MX2: variants seen among roughly 807,000 people sequenced by gnomAD.
MX2 encodes MX dynamin like GTPase 2, also known as interferon-induced GTP-binding protein Mx2.
MX2 carries 51 observed loss-of-function variants against 74.0 expected under a neutral mutation model. The ratio of observed to expected loss-of-function variants is 0.69; its 90% CI spans 0.55 to 0.87. MX2 has a LOEUF of 0.87. Ranked by LOEUF, MX2 falls within the 40% of genes least tolerant of loss-of-function variation. The probability of loss-of-function intolerance (pLI) is 0.00; values close to 1 mark genes in which losing one functional copy is unlikely to be tolerated. For missense variants in MX2, 832 were observed against 908.7 expected (o/e 0.92, Z 1.09); for synonymous variants, 369 against 339.3 (o/e 1.09, Z -0.96).
At chr21:41,386,021 C>T (rs1479039499) in intron 5 of MX2, among the ~76,000 whole-genome samples, 2 of 151,780 alleles carry the variant, frequency 1.3e-5, no homozygotes, top group Non-Finnish European at 2.9e-5. Flanking sequence ...AAGATAAGGG[C>T]TGGGCACAGT....
rs748931483 is a variant in MX2, at chr21:41,395,553, AC to A, written c.872-32del. The A allele has an allele frequency of 4.0e-5, 64 of 1,607,344 alleles. 1 individual carries two copies. The East Asian group carries it at 1.4e-3, about 35-fold the overall frequency. On this transcript the variant is annotated intron_variant, in intron 6 of 13. Transcript: ENST00000330714. The stretch of plus-strand genomic sequence containing the variant: ...TCAAACCTGTTTGAGGGGATCACTG[AC>A]CTTTCCATTTCCCTTCTTTAACCAT...
chr21:41,386,103 C>T (rs1350161513), intron 5 of MX2, among the ~76,000 whole-genome samples: 3 of 151,386 alleles, frequency 2.0e-5, no homozygotes, highest in African/African-American at 7.3e-5. Context: ...GAGTTTGTGC[C>T]TGTAATCCCA....
intron 2 of MX2, 64 bp from the exon 3 acceptor site, chr21:41,377,725 A>G (rs1248851248): frequency 3.2e-5 from 48 of 1,515,554 alleles, no homozygotes; most frequent in Non-Finnish European, 4.1e-5. Flanking sequence ...TCTGCCACAC[A>G]TCTCCATGAC....
Position 41,395,664 on chromosome 21 carries a change from C to G in MX2, c.949C>G (p.Pro317Ala). 1 of 1,614,130 alleles carries G rather than the reference C, an allele frequency of 6.2e-7. No homozygotes were observed. The highest frequency in any genetic ancestry group is 8.5e-7 in the Non-Finnish European group (1 of 1,180,030). Residue 317 changes from proline to alanine, a missense_variant, in exon 7 of 14, where the codon CCC becomes GCC. Physicochemically the swap from Pro to Ala is conservative, Grantham distance 27. Coordinates refer to ENST00000330714, the MANE Select transcript of MX2 (RefSeq NM_002463.2). ...VMNVVRNLTY[P>A]LKKGYMIVKC... ...GAATGTGGTGCGGAACCTCACGTAC[C>G]CCCTCAAGAAGGGCTACATGATTGT... is the stretch of plus-strand genomic sequence containing the variant.
At chr21:41,375,798 G>A (rs1269489682) in intron 1 of MX2, among the ~76,000 whole-genome samples, 4 of 152,150 alleles carry the variant, frequency 2.6e-5, no homozygotes, top group African/African-American at 9.7e-5. Context: ...GGGGGACTGT[G>A]GGGACACCAT....
chr21:41,379,738 G>A (rs1208660648), intron 3 of MX2, among the ~76,000 whole-genome samples: 1 of 152,244 alleles, frequency 6.6e-6, no homozygotes, highest in Non-Finnish European at 1.5e-5. Context: ...GGCTATGGCT[G>A]TGGTGAGGAC....
chr21:41,402,350 A>G lies in MX2; in HGVS notation c.1573+222A>G. Reference sequence around the variant, plus strand: ...TCTGCCCTTCTGCCTGAGAACTCGTACTGAGGTTTCCAGGAGATGGGGAAG... The same window carrying G: ...TCTGCCCTTCTGCCTGAGAACTCGTGCTGAGGTTTCCAGGAGATGGGGAAG... On this transcript the variant is annotated intron_variant, in intron 11 of 13. Coordinates refer to ENST00000330714, the MANE Select transcript of MX2 (RefSeq NM_002463.2). This position sits in a 1 kb window ranked among gnomAD's most constrained non-coding sequence, Gnocchi z 4.5. 1 of 521,872 alleles carries G rather than the reference A, an allele frequency of 1.9e-6. No homozygotes were observed. Among genetic ancestry groups the G allele is most frequent in the South Asian group, 3.7e-5 (1 of 27,118 alleles). 32.3% of individuals were successfully genotyped at this position (521,872 alleles called of 1,614,324 possible). A position where few individuals can be genotyped will look rare whatever the true frequency, so the allele number is the denominator to read the frequency against.
chr21:41,389,832 C>T (rs1179386381), intron 5 of MX2: 1 of 152,122 alleles, frequency 6.6e-6, no homozygotes, highest in Admixed American at 6.6e-5. Context: ...GGAACTATGT[C>T]CCAAGGTGCC....
chr21:41,372,264 T>TA (rs928031072), intron 1 of MX2, among the ~76,000 whole-genome samples: 1 of 152,206 alleles, frequency 6.6e-6, no homozygotes, highest in Non-Finnish European at 1.5e-5. Flanking sequence ...GCATTGCATG[T>TA]AAAACTTAAT....
chr21:41,372,634 G>T (rs1033405741), intron 1 of MX2, among the ~76,000 whole-genome samples: 1 of 152,086 alleles, frequency 6.6e-6, no homozygotes, highest in African/African-American at 2.4e-5. Context: ...TGGATATTGG[G>T]TAGCTTCTAA....
At chr21:41,407,907 T>C in intron 13 of MX2, 84 bp from the exon 14 acceptor site, 1 of 1,560,692 alleles carries the variant, frequency 6.4e-7, no homozygotes, top group Non-Finnish European at 8.7e-7. Context: ...CATGTGCGCA[T>C]CCAGGAACTC....
rs200883594 is a variant in MX2, at chr21:41,376,841, G to A, written c.-66G>A. The A allele has an allele frequency of 1.3e-6, 2 of 1,588,394 alleles. No individual in the cohort carries two copies. Among genetic ancestry groups the A allele is most frequent in the Non-Finnish European group, 1.7e-6 (2 of 1,166,666 alleles). Reference sequence around the variant, plus strand: ...TCCCTCTTGTGTCTTTGCAGAGCTTGTCAGGAAGATCGGAGGTGCCAAGTA... The same window carrying A: ...TCCCTCTTGTGTCTTTGCAGAGCTTATCAGGAAGATCGGAGGTGCCAAGTA... On this transcript the variant is annotated 5_prime_UTR_variant, in exon 2 of 14. Coordinates refer to ENST00000330714, the MANE Select transcript of MX2 (RefSeq NM_002463.2).
intron 6 of MX2, 23 bp downstream of exon 6, chr21:41,390,726 C>T: frequency 6.2e-7 from 1 of 1,611,872 alleles, no homozygotes; most frequent in Non-Finnish European, 8.5e-7. Context: ...AACCAAGTGG[C>T]CGGGTGCGGT....
At position 41,388,737 on chromosome 21, in the gene MX2, C is replaced by T. The variant is rs1601415247; in HGVS notation, c.733-1828C>T. On this transcript the variant is annotated intron_variant, in intron 5 of 13. Transcript: ENST00000330714. This position sits in a 1 kb window ranked among gnomAD's most constrained non-coding sequence, Gnocchi z 4.0. The stretch of plus-strand genomic sequence containing the variant: ...CAAACTGTTCCGGGGAGCATTTTCA[C>T]TCTCTGATATCCTACATGAATGCAC... 6.6e-6 allele frequency among the ~76,000 whole-genome samples: 1 copy of T among 152,222 alleles called. No homozygotes were observed. The highest frequency in any genetic ancestry group is 2.1e-4 in the South Asian group (1 of 4,828).
intron 7 of MX2, among the ~76,000 whole-genome samples, chr21:41,396,761 G>A (rs1242117909): frequency 3.9e-5 from 6 of 152,158 alleles, no homozygotes; most frequent in Non-Finnish European, 7.3e-5. Flanking sequence ...AGGACATGAG[G>A]AGAAGAAAAC....
At chr21:41,385,965 C>T (rs60033333) in intron 5 of MX2, among the ~76,000 whole-genome samples, 2 of 151,992 alleles carry the variant, frequency 1.3e-5, no homozygotes, top group African/African-American at 4.8e-5. Flanking sequence ...GCTTGGTCAA[C>T]TCAGAGCTGC....
chr21:41,385,839 A>G (rs1004239335), intron 5 of MX2, among the ~76,000 whole-genome samples: 24 of 152,168 alleles, frequency 1.6e-4, no homozygotes, highest in African/African-American at 5.8e-4. Flanking sequence ...AAAATTGATA[A>G]TCACACATCA....
intron 6 of MX2, among the ~76,000 whole-genome samples, chr21:41,393,381 G>A (rs747286153): frequency 5.3e-5 from 8 of 152,040 alleles, no homozygotes; most frequent in Non-Finnish European, 8.8e-5. Context: ...TGCTCCTGTC[G>A]AGGTCACCCA....
At chr21:41,369,802 G>A (rs73905340) in intron 1 of MX2, among the ~76,000 whole-genome samples, 2,952 of 151,996 alleles carry the variant, frequency 0.019, 92 homozygotes, top group African/African-American at 0.066. Context: ...CCACAATAGC[G>A]GGGACCTCCC....
Sources: allele counts gnomAD v4.1 joint callset (sites outside exome capture counted in the v4.1 genomes callset), GRCh38; gene constraint gnomAD v4.1.1; non-coding constraint Gnocchi (gnomAD v3.1); transcripts MANE v1.5; gene names NCBI Gene and HGNC (gene_info 2026-07-23, HGNC 2026-07-21).